The following GPC5 variants were observed in gnomAD, a reference collection of about 807,000 sequenced individuals.
The protein encoded by GPC5 is glypican-5.
GPC5 carries 47 observed loss-of-function variants against 53.9 expected under a neutral mutation model. That is an observed-to-expected ratio of 0.87 (90% CI 0.69 to 1.11). The LOEUF (loss-of-function observed/expected upper bound fraction) is 1.11, where lower values mean the gene tolerates loss of function less well. Among genes scored for constraint, GPC5 ranks in the 50% most tolerant of loss-of-function variants. The probability of loss-of-function intolerance (pLI) is 0.00; values close to 1 mark genes in which losing one functional copy is unlikely to be tolerated. For missense variants in GPC5, 748 were observed against 713.1 expected, an observed-to-expected ratio of 1.05 and a Z score of -0.56; for synonymous variants, 286 against 263.3, an observed-to-expected ratio of 1.09 and a Z score of -0.84.
At chr13:92,477,851 A>T (rs1434621306) in intron 7 of GPC5, among the ~76,000 whole-genome samples, 2 of 152,054 alleles carry the variant, frequency 1.3e-5, no homozygotes, top group Non-Finnish European at 1.5e-5. Context: ...TGCACAGCCT[A>T]CATTGCTGTA....
chr13:91,953,250 G>C (rs1334678147), intron 6 of GPC5, among the ~76,000 whole-genome samples: 13 of 152,136 alleles, frequency 8.5e-5, no homozygotes. Flanking sequence ...TTTTGAGCTG[G>C]ACCTGATGAA....
At chr13:92,257,023 T>C (rs1450657862) in intron 7 of GPC5, among the ~76,000 whole-genome samples, 2 of 151,958 alleles carry the variant, frequency 1.3e-5, no homozygotes, top group Non-Finnish European at 1.5e-5. Context: ...AATTTGACTA[T>C]TTTAGATATC....
chr13:92,338,247 A>G (rs766495029), intron 7 of GPC5, among the ~76,000 whole-genome samples: 2 of 152,108 alleles, frequency 1.3e-5, no homozygotes, highest in African/African-American at 2.4e-5. Flanking sequence ...TAAAATACCA[A>G]TATATACGTA....
intron 6 of GPC5, among the ~76,000 whole-genome samples, chr13:92,100,732 AG>A (rs1314149628): frequency 6.6e-6 from 1 of 152,192 alleles, no homozygotes; most frequent in Non-Finnish European, 1.5e-5. Context: ...GAATTCTGTT[AG>A]GGGAGACTAA....
chr13:91,944,481 C>G (rs533343843), intron 6 of GPC5, among the ~76,000 whole-genome samples: 3 of 152,176 alleles, frequency 2.0e-5, no homozygotes, highest in African/African-American at 7.2e-5. Context: ...TTAAAATTAA[C>G]CCATTACTCT....
chr13:91,469,975 G>T (rs1407490023), intron 2 of GPC5, among the ~76,000 whole-genome samples: 1 of 152,120 alleles, frequency 6.6e-6, no homozygotes, highest in Admixed American at 6.6e-5. Flanking sequence ...GGAGGCAGAG[G>T]TTGCAGTGAG....
At position 91,865,635 on chromosome 13, in the gene GPC5, C is replaced by T. The variant is rs537504903; in HGVS notation, c.1281-42302C>T. On this transcript the variant is annotated intron_variant, in intron 5 of 7. Transcript: ENST00000377067. The stretch of plus-strand genomic sequence containing the variant: ...CTGAATTTTCTGGCACTTCAAATAT[C>T]CCATGACCCCATGGCAGAAACGTCA... Among the ~76,000 whole-genome samples, 1,492 of 152,228 alleles carry T rather than the reference C, an allele frequency of 9.8e-3. 25 individuals are homozygous for T. Among genetic ancestry groups the T allele is most frequent in the African/African-American group, 0.025 (1,058 of 41,538 alleles).
chr13:92,734,377 C>G (rs1329667064), intron 7 of GPC5, among the ~76,000 whole-genome samples: 1 of 151,698 alleles, frequency 6.6e-6, no homozygotes, highest in Non-Finnish European at 1.5e-5. Context: ...GTCAGCCTGG[C>G]TATGATACAA....
At chr13:92,683,962 C>G (rs1887179574) in intron 7 of GPC5, among the ~76,000 whole-genome samples, 1 of 151,948 alleles carries the variant, frequency 6.6e-6, no homozygotes, top group African/African-American at 2.4e-5. Context: ...TTATGTTGTC[C>G]AGTATATGGA....
At chr13:92,471,730 C>T (rs1878921935) in intron 7 of GPC5, among the ~76,000 whole-genome samples, 1 of 152,036 alleles carries the variant, frequency 6.6e-6, no homozygotes, top group Non-Finnish European at 1.5e-5. Flanking sequence ...TTTAAGACAA[C>T]TTTATGAGTA....
intron 2 of GPC5, among the ~76,000 whole-genome samples, chr13:91,684,943 G>T (rs924274454): frequency 1.3e-5 from 2 of 152,052 alleles, no homozygotes; most frequent in African/African-American, 4.8e-5. Flanking sequence ...AACCTTCTTT[G>T]CACCTCGTAA....
chr13:91,830,705 GAACT>G lies in GPC5; in HGVS notation c.1280+74288_1280+74291del, dbSNP rs879432384. ...TGACTTCCCACAACATAGAGGGACA[GAACT>G]AATAGGATATATATATATGTGTATA... On this transcript the variant is annotated intron_variant, in intron 5 of 7. Coordinates refer to ENST00000377067, the MANE Select transcript of GPC5 (RefSeq NM_004466.6). Among the ~76,000 whole-genome samples the G allele has an allele frequency of 2.0e-3, 302 of 147,536 alleles. 7 individuals are homozygous for G. The highest frequency in any genetic ancestry group is 0.019 in the Admixed American group (279 of 14,340).
intron 5 of GPC5, among the ~76,000 whole-genome samples, chr13:91,895,909 G>A (rs2039436067): frequency 6.6e-6 from 1 of 151,958 alleles, no homozygotes; most frequent in African/African-American, 2.4e-5. Context: ...ATGGTTCTAG[G>A]AGATAATCTA....
intron 2 of GPC5, among the ~76,000 whole-genome samples, chr13:91,533,364 C>T (rs140605172): frequency 1.3e-3 from 192 of 152,268 alleles, no homozygotes; most frequent in African/African-American, 4.4e-3. Context: ...TTGTCATTAA[C>T]AACTCTATTT....
intron 6 of GPC5, among the ~76,000 whole-genome samples, chr13:92,058,605 C>T (rs750262668): frequency 1.4e-4 from 22 of 152,118 alleles, no homozygotes; most frequent in Middle Eastern, 3.2e-3. Flanking sequence ...TGTGGTGGTG[C>T]GATCTTAGCT....
intron 7 of GPC5, among the ~76,000 whole-genome samples, chr13:92,736,249 C>T (rs1267751376): frequency 6.6e-6 from 1 of 151,968 alleles, no homozygotes; most frequent in Non-Finnish European, 1.5e-5. Flanking sequence ...TATTAATCAT[C>T]TTTGTTTTTC....
chr13:92,314,501 C>A (rs771509958), intron 7 of GPC5, among the ~76,000 whole-genome samples: 2 of 152,162 alleles, frequency 1.3e-5, no homozygotes, highest in Admixed American at 6.5e-5. Context: ...TATTGTTTTG[C>A]CACTTATCTG....
chr13:91,772,648 A>G (rs1420588988), intron 5 of GPC5, among the ~76,000 whole-genome samples: 2 of 152,198 alleles, frequency 1.3e-5, no homozygotes, highest in Non-Finnish European at 2.9e-5. Flanking sequence ...ATTACATTAT[A>G]TAAGATTAAG....
chr13:92,398,848 A>T (rs575785204), intron 7 of GPC5, among the ~76,000 whole-genome samples: 2 of 152,274 alleles, frequency 1.3e-5, no homozygotes, highest in African/African-American at 4.8e-5. Flanking sequence ...TCTTGACTAC[A>T]TACCCAGAAA....
Sources: gnomAD v4.1 joint callset for allele counts (sites outside exome capture counted in the v4.1 genomes callset) on GRCh38, gnomAD v4.1.1 for gene constraint, MANE v1.5 for transcripts, NCBI Gene and HGNC (gene_info 2026-07-23, HGNC 2026-07-21) for gene names.